GABBR2: variants seen among roughly 807,000 people sequenced by gnomAD.
GABBR2 encodes the protein gamma-aminobutyric acid type B receptor subunit 2, also known as G-protein coupled receptor 51.
In GABBR2, 23 loss-of-function variants were observed where a neutral mutation model predicts 105.6. The ratio of observed to expected loss-of-function variants is 0.22; its 90% CI spans 0.16 to 0.31. The LOEUF (loss-of-function observed/expected upper bound fraction) is 0.31, where lower values mean the gene tolerates loss of function less well. Ranked by LOEUF, GABBR2 falls within the 10% of genes least tolerant of loss-of-function variation. The pLI is 1.00. For missense variants in GABBR2, 734 were observed against 1,245.5 expected (o/e 0.59, Z 6.18); for synonymous variants, 478 against 499.7 (o/e 0.96, Z 0.58).
intron 7 of GABBR2, among the ~76,000 whole-genome samples, chr9:98,409,835 T>A (rs1832554166): frequency 6.6e-6 from 1 of 152,208 alleles, no homozygotes; most frequent in Middle Eastern, 3.2e-3. Context: ...GCTACTTGGC[T>A]TCCTCCCTTC....
chr9:98,540,313 T>G (rs997777777), intron 3 of GABBR2, among the ~76,000 whole-genome samples: 2 of 152,198 alleles, frequency 1.3e-5, no homozygotes, highest in Non-Finnish European at 2.9e-5. Context: ...CTTTACAGTT[T>G]ACGAAGCTCT....
At chr9:98,683,383 G>A (rs1830574943) in intron 1 of GABBR2, among the ~76,000 whole-genome samples, 1 of 152,140 alleles carries the variant, frequency 6.6e-6, no homozygotes, top group Non-Finnish European at 1.5e-5. Flanking sequence ...GATTACAGCT[G>A]TGAGCCATTG....
intron 2 of GABBR2, among the ~76,000 whole-genome samples, chr9:98,545,019 A>G (rs1828373532): frequency 6.6e-6 from 1 of 152,184 alleles, no homozygotes; most frequent in Admixed American, 6.5e-5. Flanking sequence ...CAGGACAGGG[A>G]CATTATATAT....
chr9:98,616,524 T>C (rs1326432245), intron 1 of GABBR2, among the ~76,000 whole-genome samples: 1 of 152,026 alleles, frequency 6.6e-6, no homozygotes, highest in African/African-American at 2.4e-5. Context: ...GAGGCCGAGG[T>C]AGGCAGATCA....
intron 13 of GABBR2, among the ~76,000 whole-genome samples, chr9:98,327,465 A>T (rs1315147992): frequency 1.3e-5 from 2 of 152,168 alleles, no homozygotes; most frequent in East Asian, 3.9e-4. Flanking sequence ...TTGTGCTAAA[A>T]TTTTAAATTG....
chr9:98,507,427 C>T lies in GABBR2; in HGVS notation c.631-10913G>A, dbSNP rs189418569. Among the ~76,000 whole-genome samples the T allele has an allele frequency of 3.6e-3, 551 of 152,180 alleles. 2 individuals are homozygous for T. Among genetic ancestry groups the T allele is most frequent in the Middle Eastern group, 6.8e-3 (2 of 294 alleles). ...GGAAGAGGCCAGGAACCAAGGCTCACGGGCAGCATCTAGAAGGTGGGAAAG... is the reference window on the plus strand; with the variant it reads ...GGAAGAGGCCAGGAACCAAGGCTCATGGGCAGCATCTAGAAGGTGGGAAAG... On this transcript the variant is annotated intron_variant, in intron 3 of 18. Transcript: ENST00000259455.
chr9:98,701,650 T>C (rs1237768034), intron 1 of GABBR2, among the ~76,000 whole-genome samples: 1 of 152,040 alleles, frequency 6.6e-6, no homozygotes, highest in Non-Finnish European at 1.5e-5. Flanking sequence ...AGACTGACCC[T>C]ACCCTCAAGA....
intron 9 of GABBR2, among the ~76,000 whole-genome samples, chr9:98,390,869 C>T (rs1264463871): frequency 6.6e-6 from 1 of 152,128 alleles, no homozygotes; most frequent in Non-Finnish European, 1.5e-5. Context: ...AGAAAATTGA[C>T]AATAGACAAG....
At chr9:98,555,586 G>C (rs1828570389) in intron 2 of GABBR2, 1 of 152,218 alleles carries the variant, frequency 6.6e-6, no homozygotes, top group Non-Finnish European at 1.5e-5. Flanking sequence ...GCTTTCAGCT[G>C]ATGTCTTTAG....
At chr9:98,455,134 G>A (rs753425985) in intron 6 of GABBR2, among the ~76,000 whole-genome samples, 18 of 152,114 alleles carry the variant, frequency 1.2e-4, no homozygotes, top group Non-Finnish European at 2.1e-4. Flanking sequence ...ATAACAGTCC[G>A]AATAGGCCAG....
intron 1 of GABBR2, among the ~76,000 whole-genome samples, chr9:98,666,884 T>C (rs555517203): frequency 3.3e-4 from 51 of 152,264 alleles, no homozygotes; most frequent in African/African-American, 1.2e-3. Flanking sequence ...ACTGCCCTGG[T>C]AGGGGTAACT....
intron 7 of GABBR2, among the ~76,000 whole-genome samples, chr9:98,425,858 T>A (rs559229936): frequency 6.6e-6 from 1 of 152,308 alleles, no homozygotes; most frequent in East Asian, 1.9e-4. Flanking sequence ...GCTGTAGGCC[T>A]CCTCTGGCTT....
chr9:98,333,615 G>A (rs1831065544), intron 13 of GABBR2, among the ~76,000 whole-genome samples: 2 of 152,104 alleles, frequency 1.3e-5, no homozygotes, highest in Admixed American at 1.3e-4. Context: ...GGCCCATCCG[G>A]GTAATCCAAA....
intron 6 of GABBR2, among the ~76,000 whole-genome samples, chr9:98,469,100 G>T (rs1169456514): frequency 6.6e-6 from 1 of 152,178 alleles, no homozygotes; most frequent in Non-Finnish European, 1.5e-5. Flanking sequence ...TTCAGGCATT[G>T]CCAGTTATAT....
intron 1 of GABBR2, among the ~76,000 whole-genome samples, chr9:98,664,394 T>C (rs1830307120): frequency 6.6e-6 from 1 of 152,152 alleles, no homozygotes; most frequent in Non-Finnish European, 1.5e-5. Context: ...AGCACCTCAA[T>C]TACACTGCTC....
chr9:98,430,288 C>CAAA (rs55760467), intron 7 of GABBR2, among the ~76,000 whole-genome samples: 15 of 88,902 alleles, frequency 1.7e-4, no homozygotes, highest in Admixed American at 3.4e-4. Flanking sequence ...GACTCCGTCT[C>CAAA]AAAAAAAAAA....
intron 6 of GABBR2, among the ~76,000 whole-genome samples, chr9:98,457,988 A>G (rs1298213030): frequency 1.3e-5 from 2 of 152,270 alleles, no homozygotes; most frequent in East Asian, 3.8e-4. Flanking sequence ...TTATGCAGAT[A>G]GTCCCAATTA....
intron 3 of GABBR2, among the ~76,000 whole-genome samples, chr9:98,530,700 C>T (rs2131726142): frequency 6.6e-6 from 1 of 152,276 alleles, no homozygotes; most frequent in South Asian, 2.1e-4. Flanking sequence ...CAGAAGATCG[C>T]TTGAGCCCAG....
intron 1 of GABBR2, among the ~76,000 whole-genome samples, chr9:98,675,769 T>C (rs957581835): frequency 3.9e-5 from 6 of 152,162 alleles, no homozygotes; most frequent in Non-Finnish European, 7.3e-5. Context: ...CGCCACCTTT[T>C]GCTTTGTATA....
Sources: gnomAD v4.1 joint callset for allele counts (sites outside exome capture counted in the v4.1 genomes callset) on GRCh38, gnomAD v4.1.1 for gene constraint, MANE v1.5 for transcripts, NCBI Gene and HGNC (gene_info 2026-07-23, HGNC 2026-07-21) for gene names.